Variants in RIMBP2 observed in about 807,000 individuals in gnomAD.
The protein encoded by RIMBP2 is RIMS binding protein 2, also known as RIMS-binding protein 2.
A neutral mutation model predicts 118.6 loss-of-function variants in RIMBP2; 48 were observed. That is an observed-to-expected ratio of 0.40 (90% CI 0.32 to 0.51). The LOEUF is 0.51. RIMBP2 is among the 20% of genes least tolerant of loss of function. The probability of loss-of-function intolerance (pLI) is 0.41; values close to 1 mark genes in which losing one functional copy is unlikely to be tolerated. For synonymous variants in RIMBP2, 762 were observed against 742.9 expected (o/e 1.03, Z -0.42); for missense variants, 1,551 against 1,768.3 (o/e 0.88, Z 2.20).
At chr12:130,640,365 C>A (rs1185797425) in intron 1 of RIMBP2, among the ~76,000 whole-genome samples, 2 of 152,218 alleles carry the variant, frequency 1.3e-5, no homozygotes, top group Admixed American at 1.3e-4. Flanking sequence ...ATGTATGGAA[C>A]CTTCCATCAC....
chr12:130,709,098 A>G (rs1277534313), intron 1 of RIMBP2, among the ~76,000 whole-genome samples: 2 of 152,276 alleles, frequency 1.3e-5, no homozygotes, highest in Non-Finnish European at 2.9e-5. Context: ...AGTCCGATGC[A>G]TTGCTGCATT....
chr12:130,485,756 C>T (rs1042175348), intron 4 of RIMBP2, among the ~76,000 whole-genome samples: 6 of 152,192 alleles, frequency 3.9e-5, no homozygotes, highest in African/African-American at 1.4e-4. Context: ...CCTGCGGCCT[C>T]AGAGTCACTG....
intron 1 of RIMBP2, among the ~76,000 whole-genome samples, chr12:130,675,489 C>A (rs1224076954): frequency 6.6e-6 from 1 of 152,206 alleles, no homozygotes; most frequent in Admixed American, 6.5e-5. Context: ...AACAGAGCCC[C>A]TGCTCCTGCA....
At chr12:130,455,456 G>A (rs945046511) in intron 7 of RIMBP2, among the ~76,000 whole-genome samples, 2 of 152,340 alleles carry the variant, frequency 1.3e-5, no homozygotes, top group African/African-American at 4.8e-5. Context: ...GGTGTCGTGA[G>A]TGCCTGGAGA....
chr12:130,664,447 G>GTGCCTGCACA (rs1566439284), intron 1 of RIMBP2, among the ~76,000 whole-genome samples: 1 of 122,414 alleles, frequency 8.2e-6, no homozygotes, highest in South Asian at 2.9e-4. Flanking sequence ...ACGCACACAC[G>GTGCCTGCACA]CACACACATG....
chr12:130,528,258 T>G (rs1420394898), intron 2 of RIMBP2, among the ~76,000 whole-genome samples: 2 of 152,184 alleles, frequency 1.3e-5, no homozygotes, highest in African/African-American at 4.8e-5. Flanking sequence ...TGGAATACTA[T>G]GCAGCCATAA....
intron 2 of RIMBP2, among the ~76,000 whole-genome samples, chr12:130,531,838 CGTCT>C (rs2053412201): frequency 6.6e-6 from 1 of 150,962 alleles, no homozygotes. Context: ...CTAGGAGTTA[CGTCT>C]AATGAGATGC....
At chr12:130,440,294 CCATGGGGGGATGATA>C (rs1005298642) in intron 11 of RIMBP2, among the ~76,000 whole-genome samples, 1 of 152,118 alleles carries the variant, frequency 6.6e-6, no homozygotes, top group African/African-American at 2.4e-5. Flanking sequence ...ATACCCAAGA[CCATGGGGGGATGATA>C]CATGGGGTGT....
intron 18 of RIMBP2, among the ~76,000 whole-genome samples, chr12:130,413,289 A>C (rs1178698159): frequency 6.6e-6 from 1 of 151,938 alleles, no homozygotes; most frequent in African/African-American, 2.4e-5. Context: ...CCCCTCTCCT[A>C]CTGAACAGCA....
chr12:130,458,106 C>T (rs2079617693), intron 6 of RIMBP2, among the ~76,000 whole-genome samples: 1 of 142,782 alleles, frequency 7.0e-6, no homozygotes, highest in South Asian at 2.4e-4. Flanking sequence ...CTTCATCCAT[C>T]CTCTCCCCCA....
chr12:130,624,506 A>C (rs555663757), intron 2 of RIMBP2, among the ~76,000 whole-genome samples: 1 of 152,090 alleles, frequency 6.6e-6, no homozygotes, highest in Non-Finnish European at 1.5e-5. Flanking sequence ...GCGTGGGGAA[A>C]GGTCTGAGAA....
At chr12:130,646,070 T>G (rs61936789) in intron 1 of RIMBP2, among the ~76,000 whole-genome samples, 44 of 89,666 alleles carry the variant, frequency 4.9e-4, no homozygotes, top group Middle Eastern at 5.8e-3. Flanking sequence ...CACCTGCCTC[T>G]CCACCTCCCT....
At chr12:130,432,513 C>T (rs2077214597) in intron 14 of RIMBP2, among the ~76,000 whole-genome samples, 1 of 152,136 alleles carries the variant, frequency 6.6e-6, no homozygotes, top group Non-Finnish European at 1.5e-5. Flanking sequence ...AACCTTAACC[C>T]CCAGTGTGAC....
In RIMBP2 at chr12:130,407,776, C is replaced by T. The variant is rs1205162737; in HGVS notation, c.3643G>A (p.Ala1215Thr). The change falls in exon 20 of 23, where the codon GCC (alanine) becomes ACC (threonine). Residue 1215 changes from alanine to threonine, a missense_variant. Ala to Thr is a moderately conservative substitution (Grantham distance 58). Coordinates refer to ENST00000690449, the MANE Select transcript of RIMBP2 (RefSeq NM_001393629.1). The part of the protein sequence containing the change: ...RHSVSTRRMV[A>T]LYDYDPRESS... ...TCTCTGGGGTCGTAGTCATACAGGG[C>T]CACCATTCTCCGCGTCGATACCGAA... is the stretch of plus-strand genomic sequence containing the variant. 3.1e-6 allele frequency: 5 copies of T among 1,614,114 alleles called. No homozygotes were observed. Among genetic ancestry groups the T allele is most frequent in the Middle Eastern group, 3.3e-4 (2 of 6,062 alleles).
At chr12:130,711,616 T>C (rs1472690614) in intron 1 of RIMBP2, among the ~76,000 whole-genome samples, 1 of 152,254 alleles carries the variant, frequency 6.6e-6, no homozygotes, top group South Asian at 2.1e-4. Context: ...TCATTACAGA[T>C]GCATTTGCTT....
chr12:130,436,746 A>AT (rs2077546510), intron 13 of RIMBP2, 96 bp downstream of exon 13: 1 of 1,046,108 alleles, frequency 9.6e-7, no homozygotes. Context: ...GCAAGCTGGG[A>AT]TGCGGGTCCC....
intron 2 of RIMBP2, among the ~76,000 whole-genome samples, chr12:130,536,500 C>T (rs926466278): frequency 3.3e-5 from 5 of 152,100 alleles, no homozygotes; most frequent in South Asian, 4.1e-4. Flanking sequence ...ACCGTCATAC[C>T]CCAACTGCAC....
At chr12:130,608,289 G>A (rs1040004981) in intron 2 of RIMBP2, among the ~76,000 whole-genome samples, 4 of 152,234 alleles carry the variant, frequency 2.6e-5, no homozygotes, top group African/African-American at 9.6e-5. Context: ...ACTAGAGGAT[G>A]CTGGGCAGGA....
At chr12:130,570,099 C>G (rs1380630268) in intron 2 of RIMBP2, among the ~76,000 whole-genome samples, 1 of 152,150 alleles carries the variant, frequency 6.6e-6, no homozygotes, top group African/African-American at 2.4e-5. Context: ...AAGATCCACT[C>G]TCTTTCCTCT....
Sources: allele counts gnomAD v4.1 joint callset (sites outside exome capture counted in the v4.1 genomes callset), GRCh38; gene constraint gnomAD v4.1.1; transcripts MANE v1.5; gene names NCBI Gene and HGNC (gene_info 2026-07-23, HGNC 2026-07-21).